The following SH3BGRL2 variants were observed in gnomAD, a reference collection of about 807,000 sequenced individuals.
SH3BGRL2 encodes the protein SH3 domain-binding glutamic acid-rich-like protein 2.
A neutral mutation model predicts 14.8 loss-of-function variants in SH3BGRL2; 21 were observed. The observed-to-expected ratio is 1.42, with a 90% CI of 1.01 to 2.05. SH3BGRL2 has a LOEUF of 2.05. SH3BGRL2 is among the 30% of genes most tolerant of loss of function. The pLI, the probability that SH3BGRL2 is intolerant of heterozygous loss-of-function variation, is 0.00. For missense variants in SH3BGRL2, 147 were observed against 130.8 expected (o/e 1.12, Z -0.61); for synonymous variants, 50 against 47.8 (o/e 1.05, Z -0.19).
At chr6:79,539,247 A>C in the SH3BGRL2 span, among the ~76,000 whole-genome samples, 2,717 of 152,318 alleles carry the variant, frequency 0.018, 78 homozygotes, top group African/African-American at 0.062. Flanking sequence ...AAATATGAGA[A>C]AGCAGTTTTA....
At chr6:79,616,897 A>G in the SH3BGRL2 span, among the ~76,000 whole-genome samples, 1 of 152,222 alleles carries the variant, frequency 6.6e-6, no homozygotes, top group Admixed American at 6.5e-5. Flanking sequence ...TGATTATGAA[A>G]AAAATCAGGG....
At chr6:79,660,025 T>G (rs959511104) in intron 1 of SH3BGRL2, among the ~76,000 whole-genome samples, 1 of 152,206 alleles carries the variant, frequency 6.6e-6, no homozygotes, top group African/African-American at 2.4e-5. Flanking sequence ...CTTATCAGCT[T>G]AAGGAGATTT....
the SH3BGRL2 span, among the ~76,000 whole-genome samples, chr6:79,567,601 A>G: frequency 2.6e-5 from 4 of 152,264 alleles, no homozygotes; most frequent in African/African-American, 9.6e-5. Flanking sequence ...ACAAGGACCC[A>G]TGTCATAACC....
intron 1 of SH3BGRL2, among the ~76,000 whole-genome samples, chr6:79,663,231 GT>G (rs370326385): frequency 1.2e-3 from 189 of 152,218 alleles, no homozygotes; most frequent in African/African-American, 4.3e-3. Flanking sequence ...AGGTGCTCTG[GT>G]TTTTAGAATT....
chr6:79,666,804 C>T (rs1769669708), intron 1 of SH3BGRL2, among the ~76,000 whole-genome samples: 1 of 152,216 alleles, frequency 6.6e-6, no homozygotes, highest in African/African-American at 2.4e-5. Context: ...AGCCTTACAT[C>T]TACCCCAAGT....
intron 1 of SH3BGRL2, among the ~76,000 whole-genome samples, chr6:79,647,177 G>A (rs529943189): frequency 1.3e-5 from 2 of 152,250 alleles, no homozygotes; most frequent in African/African-American, 4.8e-5. Flanking sequence ...GCAGGTTCCA[G>A]TTTCTCTGGA....
chr6:79,665,943 C>T (rs951896587), intron 1 of SH3BGRL2, among the ~76,000 whole-genome samples: 1 of 152,134 alleles, frequency 6.6e-6, no homozygotes, highest in Admixed American at 6.5e-5. Context: ...ACTGGAGACA[C>T]TGTACTTTAT....
chr6:79,659,612 G>T (rs1769499271), intron 1 of SH3BGRL2, among the ~76,000 whole-genome samples: 1 of 152,170 alleles, frequency 6.6e-6, no homozygotes, highest in Admixed American at 6.5e-5. Context: ...GATTGTCTTG[G>T]CTATGCAGGT....
the SH3BGRL2 span, among the ~76,000 whole-genome samples, chr6:79,540,457 AAAAT>A: frequency 7.9e-5 from 12 of 151,240 alleles, no homozygotes; most frequent in Admixed American, 2.7e-4. Flanking sequence ...ATAAATAAAT[AAAAT>A]AAATAAATAG....
chr6:79,667,154 A>G (rs139723529), intron 1 of SH3BGRL2, among the ~76,000 whole-genome samples: 68 of 152,362 alleles, frequency 4.5e-4, no homozygotes, highest in African/African-American at 1.5e-3. Flanking sequence ...GAACCAGCAT[A>G]GGTTCAGAAG....
intron 1 of SH3BGRL2, among the ~76,000 whole-genome samples, chr6:79,656,978 G>T (rs928968266): frequency 2.6e-5 from 4 of 152,192 alleles, no homozygotes; most frequent in African/African-American, 9.6e-5. Flanking sequence ...AGACTTAGGG[G>T]TGTGTGTACA....
chr6:79,650,393 A>C (rs1769263942), intron 1 of SH3BGRL2, among the ~76,000 whole-genome samples: 1 of 152,178 alleles, frequency 6.6e-6, no homozygotes, highest in Non-Finnish European at 1.5e-5. Flanking sequence ...AGGTGAGTCC[A>C]TAGAATGCAG....
rs180952049 is a variant in SH3BGRL2 at position 79,673,285 on chromosome 6, G to A, written c.46-329G>A. 6.1e-4 allele frequency among the ~76,000 whole-genome samples: 93 copies of A among 152,146 alleles called. 1 individual carries two copies. The highest frequency in any genetic ancestry group is 3.9e-4 in the Admixed American group (6 of 15,274). ...GGGAGTCTAGGTTGAAGAAACGACCGTGTTAGTGGCCGGGTGCAGTGGCTC... is the reference window on the plus strand; with the variant it reads ...GGGAGTCTAGGTTGAAGAAACGACCATGTTAGTGGCCGGGTGCAGTGGCTC... On this transcript the variant is annotated intron_variant, in intron 1 of 3. Coordinates refer to ENST00000369838, the MANE Select transcript of SH3BGRL2 (RefSeq NM_031469.4).
intron 1 of SH3BGRL2, among the ~76,000 whole-genome samples, chr6:79,644,742 A>G (rs1451076592): frequency 6.6e-6 from 1 of 152,214 alleles, no homozygotes; most frequent in Non-Finnish European, 1.5e-5. Flanking sequence ...ATGAAATTGC[A>G]GCCATTATTA....
chr6:79,660,081 G>C (rs1409475333), intron 1 of SH3BGRL2, among the ~76,000 whole-genome samples: 1 of 152,206 alleles, frequency 6.6e-6, no homozygotes, highest in Non-Finnish European at 1.5e-5. Context: ...CATGCCGTCT[G>C]CAAACAGGGA....
chr6:79,627,338 A>G (rs1768753203), upstream of SH3BGRL2, among the ~76,000 whole-genome samples: 1 of 152,188 alleles, frequency 6.6e-6, no homozygotes, highest in Non-Finnish European at 1.5e-5. Context: ...GAAGAACACA[A>G]ATGTGGTCCA....
At chr6:79,553,118 C>G in the SH3BGRL2 span, 1 of 152,110 alleles carries the variant, frequency 6.6e-6, no homozygotes, top group African/African-American at 2.4e-5. Context: ...CTACGAGAAT[C>G]ACTTACATAA....
the SH3BGRL2 span, among the ~76,000 whole-genome samples, chr6:79,624,005 C>T: frequency 6.6e-6 from 1 of 152,116 alleles, no homozygotes; most frequent in South Asian, 2.1e-4. Flanking sequence ...AACTCATTAG[C>T]AGTGTATTTA....
At chr6:79,572,750 C>A in the SH3BGRL2 span, among the ~76,000 whole-genome samples, 1 of 152,196 alleles carries the variant, frequency 6.6e-6, no homozygotes, top group Non-Finnish European at 1.5e-5. Context: ...CAGGCGTGAG[C>A]CACTGCGCCT....
Sources: gnomAD v4.1 joint callset for allele counts (sites outside exome capture counted in the v4.1 genomes callset) on GRCh38, gnomAD v4.1.1 for gene constraint, MANE v1.5 for transcripts, NCBI Gene and HGNC (gene_info 2026-07-23, HGNC 2026-07-21) for gene names.